The following POLA1 variants were observed in gnomAD, a reference collection of about 807,000 sequenced individuals.
The protein encoded by POLA1 is DNA polymerase alpha catalytic subunit.
POLA1 carries 15 observed loss-of-function variants against 124.0 expected under a neutral mutation model. The ratio of observed to expected loss-of-function variants is 0.12; its 90% confidence interval spans 0.08 to 0.19. The LOEUF (loss-of-function observed/expected upper bound fraction) is 0.19, where lower values mean the gene tolerates loss of function less well. Ranked by LOEUF, POLA1 falls within the 10% of genes least tolerant of loss-of-function variation. The pLI is 1.00. For missense variants in POLA1, 886 were observed against 1,103.4 expected (o/e 0.80, Z 2.79); for synonymous variants, 408 against 389.4 (o/e 1.05, Z -0.56).
intron 34 of POLA1, among the ~76,000 whole-genome samples, chrX:24,875,964 C>G (rs965862953): frequency 2.7e-5 from 3 of 111,876 alleles, no homozygotes; most frequent in Non-Finnish European, 5.6e-5. Context: ...ATTTGTGCCT[C>G]TTAGAAAAAA....
At chrX:24,764,292 CTT>C (rs1281963205) in intron 26 of POLA1, among the ~76,000 whole-genome samples, 1 of 112,218 alleles carries the variant, frequency 8.9e-6, no homozygotes, top group Non-Finnish European at 1.9e-5. Flanking sequence ...ACATTTTTCT[CTT>C]GTTTAATGCT....
At chrX:24,872,912 GCA>G (rs1205332289) in intron 34 of POLA1, among the ~76,000 whole-genome samples, 1 of 111,280 alleles carries the variant, frequency 9.0e-6, no homozygotes. Flanking sequence ...TTAGGTCACA[GCA>G]CAATTTCAGA....
intron 36 of POLA1, among the ~76,000 whole-genome samples, chrX:24,937,295 T>C (rs1395048836): frequency 8.9e-6 from 1 of 111,897 alleles, no homozygotes. Flanking sequence ...AATACAAAAC[T>C]AGATAACTTA....
chrX:24,967,954 C>T (rs1333621444), intron 36 of POLA1, among the ~76,000 whole-genome samples: 3 of 111,788 alleles, frequency 2.7e-5, no homozygotes, highest in Non-Finnish European at 5.6e-5. Flanking sequence ...ACAATTTAAA[C>T]TGCGAGCACT....
rs181331813 is a variant in POLA1 at position 24,717,038 on chromosome X, G to T, written c.706+67G>T. ...TTTCTGTCAAAAATGGAGGCCCTAT[G>T]ATGGAGGAGGTAGAGGAGATTTTGA... On this transcript the variant is annotated intron_variant, in intron 8 of 36. Transcript: ENST00000379068. 1.4e-4 allele frequency: 101 copies of T among 698,205 alleles called. No homozygotes were observed. In the Middle Eastern group the frequency reaches 2.7e-3, roughly 19 times the overall value. The allele number at this position is 698,205 out of a possible 1,213,427, so 57.5% of individuals were successfully genotyped here.
chrX:24,803,800 T>G (rs2045755066), intron 26 of POLA1, among the ~76,000 whole-genome samples: 1 of 109,508 alleles, frequency 9.1e-6, no homozygotes, highest in Non-Finnish European at 1.9e-5. Flanking sequence ...TTTAGACCTG[T>G]GAGGAATCTC....
chrX:24,897,366 C>G (rs770121179), intron 35 of POLA1, among the ~76,000 whole-genome samples: 3 of 100,642 alleles, frequency 3.0e-5, no homozygotes, highest in African/African-American at 7.3e-5. Context: ...TGCCCCCCCC[C>G]CCACCAACCC....
intron 31 of POLA1, among the ~76,000 whole-genome samples, chrX:24,822,817 T>A (rs745426960): frequency 8.9e-6 from 1 of 111,798 alleles, no homozygotes; most frequent in South Asian, 3.7e-4. Context: ...TTTTCACTTA[T>A]GTCTTCACAT....
intron 26 of POLA1, among the ~76,000 whole-genome samples, chrX:24,755,375 C>G (rs758348544): frequency 8.9e-6 from 1 of 112,137 alleles, no homozygotes; most frequent in South Asian, 3.7e-4. Flanking sequence ...CACTTATTAT[C>G]TGAGTTTTTA....
intron 34 of POLA1, among the ~76,000 whole-genome samples, chrX:24,883,148 T>C (rs2047024582): frequency 8.9e-6 from 1 of 112,416 alleles, no homozygotes; most frequent in African/African-American, 3.2e-5. Context: ...ATATGTCTTT[T>C]GAGAAGTATC....
intron 35 of POLA1, among the ~76,000 whole-genome samples, chrX:24,926,383 A>G (rs770953800): frequency 9.0e-6 from 1 of 111,497 alleles, no homozygotes; most frequent in South Asian, 3.8e-4. Context: ...TGCTCTGCGT[A>G]CTGATCACAG....
intron 35 of POLA1, among the ~76,000 whole-genome samples, chrX:24,889,713 C>T (rs761796894): frequency 1.9e-4 from 21 of 112,149 alleles, no homozygotes; most frequent in African/African-American, 6.5e-4. Context: ...GAAATGGAGT[C>T]CTGCTATGTT....
intron 26 of POLA1, among the ~76,000 whole-genome samples, chrX:24,805,170 G>A (rs762952182): frequency 9.1e-5 from 10 of 109,487 alleles, no homozygotes; most frequent in Non-Finnish European, 1.1e-4. Context: ...TTCCCCTAAC[G>A]GCACTGTTCT....
chrX:24,961,943 T>C (rs1316905964), intron 36 of POLA1, among the ~76,000 whole-genome samples: 2 of 111,867 alleles, frequency 1.8e-5, no homozygotes, highest in Non-Finnish European at 3.8e-5. Context: ...GGAAAGAGCA[T>C]TGTGATGTTA....
intron 34 of POLA1, among the ~76,000 whole-genome samples, chrX:24,882,756 T>A: frequency 9.3e-6 from 1 of 108,047 alleles, no homozygotes. Context: ...CAGTCCATTG[T>A]TGATGGGCAC....
At chrX:24,875,055 T>G (rs1448754373) in intron 34 of POLA1, among the ~76,000 whole-genome samples, 1 of 111,122 alleles carries the variant, frequency 9.0e-6, no homozygotes, top group Non-Finnish European at 1.9e-5. Flanking sequence ...GATGTTGCAA[T>G]CACTCGTAGA....
At chrX:24,738,382 A>G (rs1931433263) in intron 19 of POLA1, among the ~76,000 whole-genome samples, 1 of 111,520 alleles carries the variant, frequency 9.0e-6, no homozygotes. Context: ...GAAATCGTTG[A>G]GTGCTATCAT....
In POLA1 at chrX:24,974,854, G is replaced by A. The variant is rs143593608; in HGVS notation, c.4262-20951G>A. Among the ~76,000 whole-genome samples, 612 of 112,281 alleles carry A rather than the reference G, an allele frequency of 5.5e-3. 1 individual carries two copies. The highest frequency in any genetic ancestry group is 0.018 in the African/African-American group (569 of 30,948). On this transcript the variant is annotated intron_variant, in intron 36 of 36. Coordinates refer to ENST00000379068, the MANE Select transcript of POLA1 (RefSeq NM_001330360.2). ...ACCCTAATATAGGGCTAGTGAGATG[G>A]CTGTGTGAGCGTGAGCTGGTGAGGA...
intron 34 of POLA1, among the ~76,000 whole-genome samples, chrX:24,879,201 A>T (rs2046972605): frequency 1.8e-5 from 2 of 111,535 alleles, no homozygotes; most frequent in Admixed American, 9.6e-5. Context: ...TAGAGGTTTC[A>T]TCACTAAAAC....
Sources: allele counts gnomAD v4.1 joint callset (sites outside exome capture counted in the v4.1 genomes callset), GRCh38; gene constraint gnomAD v4.1.1; transcripts MANE v1.5; gene names NCBI Gene and HGNC (gene_info 2026-07-23, HGNC 2026-07-21).